ARHGEF11: variants seen among roughly 807,000 people sequenced by gnomAD.
The protein encoded by ARHGEF11 is Rho guanine nucleotide exchange factor 11.
Under a neutral mutation model 193.7 loss-of-function variants are expected in ARHGEF11, and 55 were observed. That is an observed-to-expected ratio of 0.28 (90% CI 0.23 to 0.36). The LOEUF (loss-of-function observed/expected upper bound fraction) is 0.36, where lower values mean the gene tolerates loss of function less well. ARHGEF11 is among the 10% of genes least tolerant of loss of function. ARHGEF11 has a pLI of 1.00. For missense variants in ARHGEF11, 1,723 were observed against 2,005.6 expected (o/e 0.86, Z 2.69); for synonymous variants, 693 against 768.0 (o/e 0.90, Z 1.62).
In ARHGEF11 at chr1:156,941,307, C is replaced by T; in HGVS notation, c.3514+65G>A. 1.9e-6 allele frequency: 3 copies of T among 1,543,072 alleles called. No individual in the cohort carries two copies. The South Asian group carries it at 3.4e-5, about 17-fold the overall frequency. On this transcript the variant is annotated intron_variant, in intron 35 of 40. Coordinates refer to ENST00000368194, the MANE Select transcript of ARHGEF11 (RefSeq NM_198236.3). ...GACTCTCCCATCGCCCCCATACTCA[C>T]ACCCAACCTGTGCCTACAGAAAAAG... is the stretch of plus-strand genomic sequence containing the variant.
intron 11 of ARHGEF11, chr1:156,963,875 C>A: frequency 1.2e-6 from 1 of 831,064 alleles, no homozygotes; most frequent in East Asian, 4.3e-5. Flanking sequence ...TTCCTGTTTG[C>A]AAAAGATCTG....
chr1:156,948,226 G>C lies in ARHGEF11; in HGVS notation c.2108C>G (p.Ser703Cys). The change falls in exon 24 of 41, where the codon TCT (serine) becomes TGT (cysteine). Residue 703 changes from serine to cysteine, a missense_variant and splice_region_variant. Around this residue, in one of 5 missense-constraint regions of ARHGEF11, gnomAD observed 491 missense variants for 654.5 expected, o/e 0.75. Coordinates refer to ENST00000368194, the MANE Select transcript of ARHGEF11 (RefSeq NM_198236.3). This position sits in a 1 kb window ranked among gnomAD's most constrained non-coding sequence, Gnocchi z 4.2. ...GAATGGAGGGGTTGGGTTCTCAAGA[G>C]ACCTGTGGAGGGAATGTCAACTCTC... ...SSSTSSLSTR[S>C]LENPTPPFTP... is the part of the protein sequence containing the mutation. 6.3e-7 allele frequency: 1 copy of C among 1,589,470 alleles called. No homozygotes were observed. The highest frequency in any genetic ancestry group is 1.3e-5 in the African/African-American group (1 of 74,558).
intron 29 of ARHGEF11, chr1:156,945,504 C>T: frequency 2.7e-6 from 1 of 369,130 alleles, no homozygotes; most frequent in Non-Finnish European, 4.9e-6. Context: ...CACAATTATG[C>T]CTCTAGAAAG....
intron 10 of ARHGEF11, 125 bp downstream of exon 10, chr1:156,969,157 T>C (rs1055547452): frequency 1.3e-6 from 1 of 754,162 alleles, no homozygotes; most frequent in African/African-American, 1.8e-5. Flanking sequence ...GATTATATCC[T>C]TGGAACTAGA....
At chr1:156,986,303 C>A (rs111680685) in intron 1 of ARHGEF11, 130 bp from the exon 2 acceptor site, 29 of 652,306 alleles carry the variant, frequency 4.4e-5, no homozygotes, top group African/African-American at 4.0e-4. Flanking sequence ...GCCCTGTAAC[C>A]CAATCTGGTA....
chr1:157,004,229 C>T (rs1229986175), intron 1 of ARHGEF11, among the ~76,000 whole-genome samples: 3 of 152,208 alleles, frequency 2.0e-5, no homozygotes, highest in Non-Finnish European at 4.4e-5. Flanking sequence ...AGCATACAAC[C>T]TCTCGTTCAG....
chr1:156,967,912 GTAC>G, intron 11 of ARHGEF11, 72 bp downstream of exon 11: 3 of 1,603,842 alleles, frequency 1.9e-6, no homozygotes, highest in Non-Finnish European at 2.6e-6. Context: ...CCAAGACGAT[GTAC>G]TGGTAACACC....
At chr1:156,965,546 C>T (rs1661571694) in intron 11 of ARHGEF11, among the ~76,000 whole-genome samples, 1 of 152,194 alleles carries the variant, frequency 6.6e-6, no homozygotes, top group Non-Finnish European at 1.5e-5. Flanking sequence ...AGCTGGTACA[C>T]TAGGCATTTT....
Position 156,941,885 on chromosome 1 carries a change from T to C in ARHGEF11, c.3431A>G (p.Gln1144Arg). 1.9e-6 allele frequency: 3 copies of C among 1,612,568 alleles called. No individual in the cohort carries two copies. The South Asian group carries it at 3.3e-5, about 18-fold the overall frequency. ...GCACCTGCTGGGTGTGGGGCCCTGC[T>C]GGGCTGGCTCCCGGGGACCTGGGGG... ...PPPPGPREPAQQGPTPSRVEL... is the reference protein window; with the variant it reads ...PPPPGPREPARQGPTPSRVEL... Residue 1144 changes from glutamine to arginine, a missense_variant, in exon 34 of 41, where the codon CAG (glutamine) becomes CGG (arginine). Coordinates refer to ENST00000368194, the MANE Select transcript of ARHGEF11 (RefSeq NM_198236.3).
chr1:156,937,153 C>G, intron 39 of ARHGEF11, 96 bp downstream of exon 39: 1 of 1,584,404 alleles, frequency 6.3e-7, no homozygotes, highest in South Asian at 1.2e-5. Context: ...AGGACAGGAT[C>G]TAGGGCTCCC....
At chr1:156,974,128 G>A (rs900688443) in intron 7 of ARHGEF11, among the ~76,000 whole-genome samples, 2 of 151,698 alleles carry the variant, frequency 1.3e-5, no homozygotes, top group Non-Finnish European at 2.9e-5. Context: ...GGAGTGCAGT[G>A]GTGCGATTAT....
intron 1 of ARHGEF11, among the ~76,000 whole-genome samples, chr1:157,038,029 C>CAA (rs145416871): frequency 0.036 from 1,647 of 45,386 alleles, 251 homozygotes; most frequent in African/African-American, 0.1. Flanking sequence ...AAGACTGTCT[C>CAA]AAAAAAAAAA....
At chr1:157,006,604 A>G (rs1319725728) in intron 1 of ARHGEF11, among the ~76,000 whole-genome samples, 11 of 152,212 alleles carry the variant, frequency 7.2e-5, no homozygotes, top group Admixed American at 2.6e-4. Flanking sequence ...GGTGCAGAAG[A>G]CAGCTCTGGC....
intron 30 of ARHGEF11, 49 bp downstream of exon 30, chr1:156,944,970 G>C (rs1657845758): frequency 3.1e-6 from 5 of 1,592,798 alleles, no homozygotes; most frequent in Non-Finnish European, 4.3e-6. Context: ...TGCTCCTAAG[G>C]GTACCCACAA....
At chr1:156,943,495 C>T (rs1156606005) in intron 32 of ARHGEF11, among the ~76,000 whole-genome samples, 1 of 152,248 alleles carries the variant, frequency 6.6e-6, no homozygotes, top group African/African-American at 2.4e-5. Context: ...CTCACACACA[C>T]TACACTTCTC....
chr1:157,000,001 T>C (rs2102660789), intron 1 of ARHGEF11, among the ~76,000 whole-genome samples: 1 of 152,340 alleles, frequency 6.6e-6, no homozygotes, highest in Admixed American at 6.5e-5. Context: ...TCACACTCTA[T>C]CACACAGGCT....
At chr1:156,991,017 T>G (rs1303584169) in intron 1 of ARHGEF11, among the ~76,000 whole-genome samples, 2 of 152,214 alleles carry the variant, frequency 1.3e-5, no homozygotes, top group Non-Finnish European at 2.9e-5. Flanking sequence ...ATTTTTGAGT[T>G]CACACTGGTA....
rs868188 is a variant in ARHGEF11, at chr1:156,937,323, T to C, written c.4366A>G (p.Ser1456Gly). ...DPRRPSRSPP[S>G]LALRDVGMIF... ...ATGCCCACGTCCCTGAGGGCCAGGCTTGGAGGAGAGCGGCTGGGGCGTCTT... is the reference window on the plus strand; with the variant it reads ...ATGCCCACGTCCCTGAGGGCCAGGCCTGGAGGAGAGCGGCTGGGGCGTCTT... The change falls in exon 39 of 41, where the codon AGC (serine) becomes GGC (glycine). Residue 1456 changes from serine (S) to glycine (G), a missense_variant. By Grantham distance (56) the Ser-to-Gly change is moderately conservative. This residue lies in a region of ARHGEF11 where 360 missense variants were observed against 344.4 expected (regional missense o/e 1.05). Transcript: ENST00000368194. The C allele has an allele frequency of 0.37, 590,448 of 1,613,488 alleles. 111,136 individuals are homozygous for C. Among genetic ancestry groups the C allele is most frequent in the Admixed American group, 0.52 (31,112 of 59,960 alleles).
rs1461366590 is a variant in ARHGEF11, at chr1:157,035,934, T to G, written c.32+8365A>C. ...ATCTATATATAGGAATATATATATA[T>G]GAATCTATATATAGGAATATATATA... On this transcript the variant is annotated intron_variant, in intron 1 of 40. Transcript: ENST00000368194. Among the ~76,000 whole-genome samples the G allele has an allele frequency of 9.4e-3, 854 of 90,834 alleles. 110 individuals are homozygous for G. The highest frequency in any genetic ancestry group is 0.036 in the Middle Eastern group (4 of 110). 59.6% of individuals were successfully genotyped at this position (90,834 alleles called of 152,430 possible).
Sources: gnomAD v4.1 joint callset for allele counts (sites outside exome capture counted in the v4.1 genomes callset) on GRCh38, gnomAD v4.1.1 for gene constraint, gnomAD v4.1.1 regional missense constraint, Gnocchi (gnomAD v3.1) non-coding constraint, MANE v1.5 for transcripts, NCBI Gene and HGNC (gene_info 2026-07-23, HGNC 2026-07-21) for gene names.